BCL2: variants seen among roughly 807,000 people sequenced by gnomAD.
BCL2 encodes the protein BCL2 apoptosis regulator, also known as apoptosis regulator Bcl-2.
Under a neutral mutation model 14.2 loss-of-function variants are expected in BCL2, and 1 was observed. That is an observed-to-expected ratio of 0.07 (90% CI 0.02 to 0.33). The LOEUF (loss-of-function observed/expected upper bound fraction) is 0.33, where lower values mean the gene tolerates loss of function less well. Among genes scored for constraint, BCL2 ranks in the 10% least tolerant of loss-of-function variants. The pLI is 0.99. For missense variants in BCL2, 247 were observed against 305.9 expected, an observed-to-expected ratio of 0.81 and a Z score of 1.44; for synonymous variants, 151 against 137.2, an observed-to-expected ratio of 1.10 and a Z score of -0.70.
At chr18:63,166,324 C>T (rs1274681687) in intron 2 of BCL2, among the ~76,000 whole-genome samples, 1 of 152,158 alleles carries the variant, frequency 6.6e-6, no homozygotes, top group Admixed American at 6.5e-5. Flanking sequence ...AGGATTTGGA[C>T]TGGGGGATGT....
At chr18:63,233,474 C>T (rs9963148) in intron 2 of BCL2, among the ~76,000 whole-genome samples, 13,060 of 152,060 alleles carry the variant, frequency 0.086, 593 homozygotes, top group South Asian at 0.16. Context: ...TTTCCATAGA[C>T]GGGGGTGGGG....
chr18:63,156,139 A>AG (rs757683130), intron 2 of BCL2, among the ~76,000 whole-genome samples: 7 of 132,422 alleles, frequency 5.3e-5, no homozygotes, highest in Non-Finnish European at 9.5e-5. Context: ...CTGGCAGGGG[A>AG]GGGGGGTGTT....
At chr18:63,211,679 G>C (rs1910008836) in intron 2 of BCL2, among the ~76,000 whole-genome samples, 1 of 152,204 alleles carries the variant, frequency 6.6e-6, no homozygotes, top group African/African-American at 2.4e-5. Context: ...CTCGACGATA[G>C]TATGTGTTGT....
chr18:63,230,797 T>C (rs1309976924), intron 2 of BCL2, among the ~76,000 whole-genome samples: 2 of 152,056 alleles, frequency 1.3e-5, no homozygotes, highest in African/African-American at 4.8e-5. Context: ...ATCCTGAATG[T>C]ATTTTTATGA....
At chr18:63,167,819 A>G (rs1287170161) in intron 2 of BCL2, among the ~76,000 whole-genome samples, 1 of 152,034 alleles carries the variant, frequency 6.6e-6, no homozygotes, top group Admixed American at 6.5e-5. Context: ...CCACCTACTC[A>G]GGAGGCTGAG....
Position 63,149,892 on chromosome 18 carries a change from T to TA in BCL2, c.586-21134_586-21133insT. ...TTATTTATTTATTTATTTATTTATTTTGAGACAGCGTCTCCCTCTGTCAGT... is the reference window on the plus strand; with the variant it reads ...TTATTTATTTATTTATTTATTTATTTATGAGACAGCGTCTCCCTCTGTCAGT... On this transcript the variant is annotated intron_variant, in intron 2 of 2. Transcript: ENST00000333681. This position sits in a 1 kb window ranked among gnomAD's most constrained non-coding sequence, Gnocchi z 4.2. 6.7e-6 allele frequency among the ~76,000 whole-genome samples: 1 copy of TA among 149,396 alleles called. No homozygotes were observed. The highest frequency in any genetic ancestry group is 6.7e-5 in the Admixed American group (1 of 15,004).
chr18:63,176,365 G>A (rs1156545095), intron 2 of BCL2, among the ~76,000 whole-genome samples: 1 of 152,216 alleles, frequency 6.6e-6, no homozygotes, highest in Admixed American at 6.5e-5. Flanking sequence ...AGGCACCTGG[G>A]GACCAGGGTT....
At chr18:63,198,722 C>T (rs915794936) in intron 2 of BCL2, among the ~76,000 whole-genome samples, 13 of 137,390 alleles carry the variant, frequency 9.5e-5, no homozygotes, top group Non-Finnish European at 1.5e-5. Flanking sequence ...CACACACACA[C>T]AGACACACAC....
intron 2 of BCL2, among the ~76,000 whole-genome samples, chr18:63,157,011 C>G (rs928458214): frequency 1.3e-5 from 2 of 152,182 alleles, no homozygotes; most frequent in Non-Finnish European, 2.9e-5. Flanking sequence ...CACCCTTTTT[C>G]AAATTTCAAC....
At chr18:63,227,138 T>C (rs1910571993) in intron 2 of BCL2, among the ~76,000 whole-genome samples, 1 of 152,090 alleles carries the variant, frequency 6.6e-6, no homozygotes, top group Non-Finnish European at 1.5e-5. Flanking sequence ...ACCTTATCAA[T>C]TACACAAATC....
In BCL2 at chr18:63,124,238, C is replaced by T. The variant is rs1356125505; in HGVS notation, c.*4387G>A. On this transcript the variant is annotated 3_prime_UTR_variant, in exon 3 of 3. Transcript: ENST00000333681. ...TTGCTTAATTTTATAAAATTTTTTT[C>T]TGTATTGTACATAATAAACATTTAG... 1 of 223,752 alleles carries T rather than the reference C, an allele frequency of 4.5e-6. No individual in the cohort carries two copies. The highest frequency in any genetic ancestry group is 8.9e-6 in the Non-Finnish European group (1 of 112,180). 13.9% of individuals were successfully genotyped at this position (223,752 alleles called of 1,614,324 possible).
chr18:63,146,481 C>T (rs1282174061), intron 2 of BCL2, among the ~76,000 whole-genome samples: 1 of 152,270 alleles, frequency 6.6e-6, no homozygotes, highest in Non-Finnish European at 1.5e-5. Flanking sequence ...GCGATCCACG[C>T]TGGAGTCAGC....
intron 2 of BCL2, among the ~76,000 whole-genome samples, chr18:63,229,078 C>T (rs1480589593): frequency 1.3e-5 from 2 of 152,226 alleles, no homozygotes; most frequent in African/African-American, 4.8e-5. Context: ...CACCAGAATC[C>T]TTTTGTATGC....
intron 2 of BCL2, among the ~76,000 whole-genome samples, chr18:63,258,044 G>A (rs1031957049): frequency 1.3e-5 from 2 of 152,184 alleles, no homozygotes; most frequent in African/African-American, 4.8e-5. Context: ...AGGTCGTTAG[G>A]GTGGGCTCTA....
chr18:63,177,034 A>G lies in BCL2; in HGVS notation c.586-48275T>C, dbSNP rs1915367270. On this transcript the variant is annotated intron_variant, in intron 2 of 2. Coordinates refer to ENST00000333681, the MANE Select transcript of BCL2 (RefSeq NM_000633.3). Reference sequence around the variant, plus strand: ...TGGGCTCAGGTGATTCTCTCACCTCAGCCTCCCGAGTAGCTGGGACCACAG... The same window carrying G: ...TGGGCTCAGGTGATTCTCTCACCTCGGCCTCCCGAGTAGCTGGGACCACAG... Among the ~76,000 whole-genome samples the G allele has an allele frequency of 2.6e-5, 4 of 151,242 alleles. No homozygotes were observed. The South Asian group carries it at 8.3e-4, about 32-fold the overall frequency.
Position 63,123,440 on chromosome 18 carries a change from C to G in BCL2, c.*5185G>C. 1 of 200,800 alleles carries G rather than the reference C, an allele frequency of 5.0e-6. No homozygotes were observed. Among genetic ancestry groups the G allele is most frequent in the Non-Finnish European group, 1.0e-5 (1 of 97,420 alleles). 12.4% of individuals were successfully genotyped at this position (200,800 alleles called of 1,614,324 possible). On this transcript the variant is annotated 3_prime_UTR_variant, in exon 3 of 3. Transcript: ENST00000333681. ...ATGTGACTTTTTCCAACAACACAAACAAAGTGCCATTATAGCTAATGGTGG... is the reference window on the plus strand; with the variant it reads ...ATGTGACTTTTTCCAACAACACAAAGAAAGTGCCATTATAGCTAATGGTGG...
chr18:63,165,404 T>G (rs1334627252), intron 2 of BCL2, among the ~76,000 whole-genome samples: 1 of 152,210 alleles, frequency 6.6e-6, no homozygotes, highest in East Asian at 1.9e-4. Context: ...TCTGACTGCC[T>G]TGTCTCCATC....
chr18:63,199,640 CACAT>C (rs946878356), intron 2 of BCL2, among the ~76,000 whole-genome samples: 2 of 151,964 alleles, frequency 1.3e-5, no homozygotes, highest in African/African-American at 4.8e-5. Context: ...CAGAGACACA[CACAT>C]ACACGCAGAC....
At chr18:63,276,574 G>C (rs899896184) in intron 2 of BCL2, among the ~76,000 whole-genome samples, 1 of 152,210 alleles carries the variant, frequency 6.6e-6, no homozygotes, top group Non-Finnish European at 1.5e-5. Context: ...TTTCCTCCAT[G>C]ATTTTCATAA....
Sources: gnomAD v4.1 joint callset for allele counts (sites outside exome capture counted in the v4.1 genomes callset) on GRCh38, gnomAD v4.1.1 for gene constraint, Gnocchi (gnomAD v3.1) non-coding constraint, MANE v1.5 for transcripts, NCBI Gene and HGNC (gene_info 2026-07-23, HGNC 2026-07-21) for gene names.